The following MITF variants were observed in gnomAD, a reference collection of about 807,000 sequenced individuals.
The protein encoded by MITF is melanocyte inducing transcription factor.
MITF carries 17 observed loss-of-function variants against 60.5 expected under a neutral mutation model. The ratio of observed to expected loss-of-function variants is 0.28; its 90% CI spans 0.19 to 0.42. The LOEUF (loss-of-function observed/expected upper bound fraction) is 0.42, where lower values mean the gene tolerates loss of function less well. Ranked by LOEUF, MITF falls within the 10% of genes least tolerant of loss-of-function variation. The probability of loss-of-function intolerance (pLI) is 1.00; values close to 1 mark genes in which losing one functional copy is unlikely to be tolerated. For missense variants in MITF, 622 were observed against 683.5 expected (o/e 0.91, Z 1.00); for synonymous variants, 260 against 248.5 (o/e 1.05, Z -0.43).
At chr3:69,801,486 C>T (rs570891480) in intron 1 of MITF, among the ~76,000 whole-genome samples, 1 of 152,204 alleles carries the variant, frequency 6.6e-6, no homozygotes, top group East Asian at 1.9e-4. Context: ...TTTGTGGTCT[C>T]TGATTTCTAG....
At chr3:69,786,748 T>A (rs1367369) in intron 1 of MITF, among the ~76,000 whole-genome samples, 76,027 of 151,990 alleles carry the variant, frequency 0.5, 19,783 homozygotes, top group Non-Finnish European at 0.59. Flanking sequence ...TACCGTCATT[T>A]AAAAACAATT....
At chr3:69,881,780 A>G (rs1464266497) in intron 2 of MITF, among the ~76,000 whole-genome samples, 1 of 152,150 alleles carries the variant, frequency 6.6e-6, no homozygotes, top group Non-Finnish European at 1.5e-5. Context: ...GAATGGTAAT[A>G]CCAAGTATAC....
intron 1 of MITF, among the ~76,000 whole-genome samples, chr3:69,808,427 G>T (rs1393187099): frequency 6.6e-6 from 1 of 152,144 alleles, no homozygotes; most frequent in Non-Finnish European, 1.5e-5. Flanking sequence ...CATGGGGCTT[G>T]CAGGCAACGG....
At chr3:69,767,754 T>C (rs984359463) in intron 1 of MITF, among the ~76,000 whole-genome samples, 1 of 152,154 alleles carries the variant, frequency 6.6e-6, no homozygotes, top group African/African-American at 2.4e-5. Flanking sequence ...GCCAGCTTCA[T>C]ACAGAGGAAT....
intron 1 of MITF, among the ~76,000 whole-genome samples, chr3:69,832,906 G>A (rs182487966): frequency 1.3e-5 from 2 of 151,738 alleles, no homozygotes; most frequent in African/African-American, 2.4e-5. Flanking sequence ...TCTTTGCTTA[G>A]TTACACTGTA....
chr3:69,761,787 C>T (rs1256392777), intron 1 of MITF, among the ~76,000 whole-genome samples: 2 of 152,204 alleles, frequency 1.3e-5, no homozygotes, highest in Non-Finnish European at 2.9e-5. Context: ...CTTAATCATT[C>T]ACAAGGGTGT....
intron 2 of MITF, among the ~76,000 whole-genome samples, chr3:69,888,179 T>C (rs2064669160): frequency 6.6e-6 from 1 of 152,076 alleles, no homozygotes; most frequent in Non-Finnish European, 1.5e-5. Context: ...AATTAAAATT[T>C]AGGGGCTGGA....
chr3:69,922,928 G>T (rs573040898), intron 2 of MITF, among the ~76,000 whole-genome samples: 2 of 152,244 alleles, frequency 1.3e-5, no homozygotes, highest in East Asian at 3.9e-4. Flanking sequence ...GACTTTCTCC[G>T]TTGTTAGGTC....
chr3:69,772,040 A>C (rs1329474224), intron 1 of MITF, among the ~76,000 whole-genome samples: 2 of 152,284 alleles, frequency 1.3e-5, no homozygotes, highest in East Asian at 1.9e-4. Context: ...TTAAGTTTGG[A>C]CAAGTTGTTC....
intron 1 of MITF, among the ~76,000 whole-genome samples, chr3:69,810,053 C>G (rs2063075953): frequency 6.6e-6 from 1 of 152,084 alleles, no homozygotes; most frequent in Admixed American, 6.6e-5. Flanking sequence ...CTGGCTCTTT[C>G]TTTTTCAGTT....
At chr3:69,861,250 A>G (rs1043035411) in intron 1 of MITF, among the ~76,000 whole-genome samples, 1 of 152,206 alleles carries the variant, frequency 6.6e-6, no homozygotes, top group African/African-American at 2.4e-5. Flanking sequence ...CATTTTTGTC[A>G]GTCATTCATG....
Position 69,830,818 on chromosome 3 carries a change from A to T in MITF, c.105-48316A>T, listed in dbSNP as rs564986487. ...CCATGTATACTGCATCCCATCGGTT[A>T]TGGTTTCATGAATCTCATGTCTTAC... is the stretch of plus-strand genomic sequence containing the variant. On this transcript the variant is annotated intron_variant, in intron 1 of 9. Coordinates refer to ENST00000352241, the MANE Select transcript of MITF (RefSeq NM_001354604.2). 4.6e-5 allele frequency among the ~76,000 whole-genome samples: 7 copies of T among 152,306 alleles called. 1 individual carries two copies. In the East Asian group the frequency reaches 1.2e-3, roughly 25 times the overall value.
intron 1 of MITF, among the ~76,000 whole-genome samples, chr3:69,762,267 A>C (rs560762770): frequency 6.6e-6 from 1 of 152,340 alleles, no homozygotes; most frequent in African/African-American, 2.4e-5. Flanking sequence ...AGTGGGTTCT[A>C]TCAGTGATGA....
At chr3:69,904,851 A>T (rs1243447413) in intron 2 of MITF, among the ~76,000 whole-genome samples, 1 of 152,198 alleles carries the variant, frequency 6.6e-6, no homozygotes, top group Non-Finnish European at 1.5e-5. Context: ...AAATGGGAAT[A>T]AAGAGTACCC....
intron 2 of MITF, among the ~76,000 whole-genome samples, chr3:69,905,199 A>G (rs1280324375): frequency 6.6e-6 from 1 of 152,102 alleles, no homozygotes; most frequent in African/African-American, 2.4e-5. Context: ...TGTAATTTCC[A>G]GAGTTTAAAA....
At chr3:69,942,563 A>G (rs2065993838) in intron 5 of MITF, among the ~76,000 whole-genome samples, 1 of 151,758 alleles carries the variant, frequency 6.6e-6, no homozygotes, top group Non-Finnish European at 1.5e-5. Flanking sequence ...AGCTTCTTTT[A>G]TGATATTTAG....
intron 2 of MITF, among the ~76,000 whole-genome samples, chr3:69,900,194 A>G (rs771332404): frequency 6.6e-6 from 1 of 152,100 alleles, no homozygotes; most frequent in Non-Finnish European, 1.5e-5. Flanking sequence ...CTTCCTGGTC[A>G]CACTTCTAAT....
chr3:69,754,919 G>T (rs1704074429), intron 1 of MITF, among the ~76,000 whole-genome samples: 1 of 152,130 alleles, frequency 6.6e-6, no homozygotes, highest in Admixed American at 6.5e-5. Flanking sequence ...CAATCAGTGT[G>T]GGGGTTGGGG....
intron 1 of MITF, among the ~76,000 whole-genome samples, chr3:69,754,053 C>T (rs1175047755): frequency 6.6e-6 from 1 of 152,120 alleles, no homozygotes; most frequent in African/African-American, 2.4e-5. Flanking sequence ...CACCAAATCT[C>T]AGGTCAAATT....
Sources: gnomAD v4.1 joint callset for allele counts (sites outside exome capture counted in the v4.1 genomes callset) on GRCh38, gnomAD v4.1.1 for gene constraint, MANE v1.5 for transcripts, NCBI Gene and HGNC (gene_info 2026-07-23, HGNC 2026-07-21) for gene names.